HACD3: variants seen among roughly 807,000 people sequenced by gnomAD.
The protein encoded by HACD3 is very-long-chain (3R)-3-hydroxyacyl-CoA dehydratase 3.
A neutral mutation model predicts 55.2 loss-of-function variants in HACD3; 30 were observed. The ratio of observed to expected loss-of-function variants is 0.54; its 90% CI spans 0.41 to 0.74. The LOEUF (loss-of-function observed/expected upper bound fraction) is 0.74, where lower values mean the gene tolerates loss of function less well. HACD3 is among the 30% of genes least tolerant of loss of function. The pLI, the probability that HACD3 is intolerant of heterozygous loss-of-function variation, is 0.00. For missense variants in HACD3, 363 were observed against 440.1 expected, an observed-to-expected ratio of 0.82 and a Z score of 1.57; for synonymous variants, 141 against 151.7, an observed-to-expected ratio of 0.93 and a Z score of 0.52.
At chr15:65,545,545 G>A (rs915703837) in intron 1 of HACD3, among the ~76,000 whole-genome samples, 1 of 150,962 alleles carries the variant, frequency 6.6e-6, no homozygotes, top group African/African-American at 2.4e-5. Context: ...CCGGGTTCAC[G>A]CCATTCTCCT....
intron 1 of HACD3, among the ~76,000 whole-genome samples, chr15:65,532,754 T>G (rs1222930785): frequency 1.3e-5 from 2 of 152,202 alleles, no homozygotes; most frequent in East Asian, 3.8e-4. Context: ...GCACCCATAT[T>G]TCAACTACCA....
At position 65,576,375 on chromosome 15, in the gene HACD3, A is replaced by G; in HGVS notation, c.1085A>G (p.His362Arg). Residue 362 changes from histidine to arginine, a missense_variant, in exon 11 of 11, where the codon CAC becomes CGC. By Grantham distance (29) the His-to-Arg change is conservative (BLOSUM62 0). Transcript: ENST00000261875. ...TATGGACAAAAAAAGAAAAAGATCCACTAAAAAGAAAGATTTAGATGGCTT... is the reference window on the plus strand; with the variant it reads ...TATGGACAAAAAAAGAAAAAGATCCGCTAAAAAGAAAGATTTAGATGGCTT... ...RRYGQKKKKI[H>R] is the part of the protein sequence containing the mutation. The G allele has an allele frequency of 6.3e-7, 1 of 1,597,850 alleles. No homozygotes were observed. The highest frequency in any genetic ancestry group is 1.7e-5 in the Admixed American group (1 of 57,224).
intron 1 of HACD3, among the ~76,000 whole-genome samples, chr15:65,541,290 G>T (rs2072016714): frequency 6.6e-6 from 1 of 152,114 alleles, no homozygotes; most frequent in Admixed American, 6.5e-5. Context: ...GGGGAAAAAT[G>T]CTGCTGATTA....
Position 65,570,197 on chromosome 15 carries a change from T to G in HACD3, c.767T>G (p.Ile256Ser). 2 of 1,601,480 alleles carry G rather than the reference T, an allele frequency of 1.2e-6. No homozygotes were observed. Among genetic ancestry groups the G allele is most frequent in the South Asian group, 2.2e-5 (2 of 90,462 alleles). The part of the protein sequence containing the change: ...FVFYLWSAIE[I>S]FRYSFYMLTC... ...TTTTATTTGTGGAGTGCAATTGAAA[T>G]TTTCAGGTGGGTAGAAATGCCAGGA... The change falls in exon 8 of 11, where the codon ATT (isoleucine) becomes AGT (serine). Residue 256 changes from isoleucine (I) to serine (S), a missense_variant. Ile to Ser is a moderately radical substitution (Grantham distance 142). Transcript: ENST00000261875.
chr15:65,558,002 C>A (rs1196114665), intron 4 of HACD3, among the ~76,000 whole-genome samples: 1 of 142,874 alleles, frequency 7.0e-6, no homozygotes, highest in Non-Finnish European at 1.5e-5. Context: ...CCAGGCTTAT[C>A]TTGCATGTAT....
rs6494525 is a variant in HACD3, at chr15:65,557,046, A to G, written c.369+143A>G. ...TAAAGACCTGGTGATGTGATTTTCA[A>G]GAAGTATTGGCTATGTATTTTATAG... On this transcript the variant is annotated intron_variant, in intron 4 of 10. Coordinates refer to ENST00000261875, the MANE Select transcript of HACD3 (RefSeq NM_016395.4). The G allele has an allele frequency of 0.014, 11,912 of 846,708 alleles. 895 individuals carry two copies. The African/African-American group carries it at 0.17, about 12-fold the overall frequency. The allele number at this position is 846,708 out of a possible 1,614,324, so 52.4% of individuals were successfully genotyped here.
chr15:65,566,455 A>C (rs2174330), intron 7 of HACD3: 1 of 161,044 alleles, frequency 6.2e-6, no homozygotes, highest in African/African-American at 2.4e-5. Context: ...GGTGCAGGGC[A>C]AAAGGCACTT....
chr15:65,552,854 C>T (rs2072148895), intron 2 of HACD3, among the ~76,000 whole-genome samples: 1 of 151,568 alleles, frequency 6.6e-6, no homozygotes, highest in Admixed American at 6.6e-5. Context: ...CCCCCCACCC[C>T]ACAACAGTCC....
chr15:65,553,115 T>G (rs1280073737), intron 2 of HACD3: 2 of 152,342 alleles, frequency 1.3e-5, no homozygotes, highest in African/African-American at 4.8e-5. Flanking sequence ...TTGCGTGTCA[T>G]CCTTGCACAG....
chr15:65,554,484 A>G (rs1469126125), intron 2 of HACD3, among the ~76,000 whole-genome samples: 1 of 152,162 alleles, frequency 6.6e-6, no homozygotes, highest in African/African-American at 2.4e-5. Flanking sequence ...ACAATCAAGT[A>G]TGATATTCGT....
At chr15:65,539,817 G>A (rs2072002057) in intron 1 of HACD3, among the ~76,000 whole-genome samples, 1 of 62,734 alleles carries the variant, frequency 1.6e-5, no homozygotes. Flanking sequence ...TTAAAGCTTA[G>A]AAATATAATA....
chr15:65,576,609 A>T lies in HACD3; in HGVS notation c.*230A>T. The T allele has an allele frequency of 3.6e-6, 2 of 555,314 alleles. No homozygotes were observed. Among genetic ancestry groups the T allele is most frequent in the South Asian group, 4.5e-5 (2 of 44,276 alleles). 34.4% of individuals were successfully genotyped at this position (555,314 alleles called of 1,614,324 possible). Reference sequence around the variant, plus strand: ...GAGGTTCATTCTTGTGTATTCAGTTAATGACACCAAAAGGCTCAGCCCACC... The same window carrying T: ...GAGGTTCATTCTTGTGTATTCAGTTTATGACACCAAAAGGCTCAGCCCACC... On this transcript the variant is annotated 3_prime_UTR_variant, in exon 11 of 11. Transcript: ENST00000261875.
chr15:65,558,273 A>G (rs1177953753), intron 4 of HACD3, among the ~76,000 whole-genome samples: 2 of 152,214 alleles, frequency 1.3e-5, no homozygotes, highest in Non-Finnish European at 2.9e-5. Flanking sequence ...TGATGTTGGA[A>G]ACATGATCTT....
rs548242279 is a variant in HACD3, at chr15:65,562,012, G to A, written c.422-762G>A. 7.0e-4 allele frequency among the ~76,000 whole-genome samples: 107 copies of A among 152,332 alleles called. 1 individual carries two copies. The Middle Eastern group carries it at 0.017, about 24-fold the overall frequency. ...GGAGGAAGTATGGAGGAAGTGGCGC[G>A]GAGCTTCCATGCCCTCCCCAGGTGT... is the stretch of plus-strand genomic sequence containing the variant. On this transcript the variant is annotated intron_variant, in intron 5 of 10. Coordinates refer to ENST00000261875, the MANE Select transcript of HACD3 (RefSeq NM_016395.4).
chr15:65,531,003 C>T (rs1166424715), intron 1 of HACD3, among the ~76,000 whole-genome samples: 1 of 152,222 alleles, frequency 6.6e-6, no homozygotes, highest in African/African-American at 2.4e-5. Context: ...CAGTCGGCGG[C>T]CTTCATGGAG....
chr15:65,556,575 G>A (rs1219329369), intron 3 of HACD3, among the ~76,000 whole-genome samples, 164 bp from the exon 4 acceptor site: 2 of 152,190 alleles, frequency 1.3e-5, no homozygotes, highest in Non-Finnish European at 2.9e-5. Flanking sequence ...TGGCCCAGGA[G>A]TTGGAGACCC....
intron 9 of HACD3, 129 bp downstream of exon 9, chr15:65,571,783 C>T: frequency 1.4e-6 from 1 of 721,460 alleles, no homozygotes; most frequent in East Asian, 2.7e-5. Flanking sequence ...GATTTCTTTC[C>T]ATGGGCTTCC....
intron 7 of HACD3, among the ~76,000 whole-genome samples, chr15:65,568,142 G>A (rs961374963): frequency 2.0e-5 from 3 of 151,652 alleles, no homozygotes; most frequent in African/African-American, 4.8e-5. Flanking sequence ...GGCTGGTCTC[G>A]AACTCCTGAC....
intron 1 of HACD3, among the ~76,000 whole-genome samples, chr15:65,534,700 T>G (rs2071937967): frequency 6.6e-6 from 1 of 152,136 alleles, no homozygotes; most frequent in Admixed American, 6.5e-5. Flanking sequence ...GATTGGGTCC[T>G]TGTTCTTATT....
Sources: gnomAD v4.1 joint callset for allele counts (sites outside exome capture counted in the v4.1 genomes callset) on GRCh38, gnomAD v4.1.1 for gene constraint, MANE v1.5 for transcripts, NCBI Gene and HGNC (gene_info 2026-07-23, HGNC 2026-07-21) for gene names.